RBFOX1: variants seen among roughly 807,000 people sequenced by gnomAD.
RBFOX1 encodes RNA binding protein fox-1 homolog 1.
Under a neutral mutation model 57.7 loss-of-function variants are expected in RBFOX1, and 8 were observed. The ratio of observed to expected loss-of-function variants is 0.14; its 90% CI spans 0.08 to 0.25. The LOEUF is 0.25. RBFOX1 is among the 10% of genes least tolerant of loss of function. RBFOX1 has a pLI of 1.00. For missense variants in RBFOX1, 611 were observed against 548.5 expected, an observed-to-expected ratio of 1.11 and a Z score of -1.14; for synonymous variants, 326 against 222.4, an observed-to-expected ratio of 1.47 and a Z score of -4.15.
intron 2 of RBFOX1, among the ~76,000 whole-genome samples, chr16:6,583,722 A>G (rs1010674619): frequency 1.3e-5 from 2 of 152,234 alleles, no homozygotes; most frequent in African/African-American, 4.8e-5. Context: ...GTAACTTTTA[A>G]TAGGTCAATT....
intron 2 of RBFOX1, among the ~76,000 whole-genome samples, chr16:5,580,622 T>C (rs2046633518): frequency 6.6e-6 from 1 of 152,172 alleles, no homozygotes; most frequent in African/African-American, 2.4e-5. Context: ...AACATCTGCT[T>C]TGTGTGGGTT....
At chr16:7,267,798 G>A (rs759165361) in intron 4 of RBFOX1, among the ~76,000 whole-genome samples, 1 of 152,136 alleles carries the variant, frequency 6.6e-6, no homozygotes, top group African/African-American at 2.4e-5. Flanking sequence ...GGAGGCTGCA[G>A]TGACCTGAGA....
chr16:6,586,568 C>T (rs2097623507), intron 2 of RBFOX1, among the ~76,000 whole-genome samples: 1 of 152,182 alleles, frequency 6.6e-6, no homozygotes, highest in Non-Finnish European at 1.5e-5. Context: ...TGGGGCAAAG[C>T]TGAATCAAGA....
Position 5,659,909 on chromosome 16 carries a change from G to T in RBFOX1, c.318+60948G>T, listed in dbSNP as rs188035117. ...ACCTTGAAATTATGGTGGTTATTAG[G>T]TGTGCTGCTGGATCTTGTTATTTAA... On this transcript the variant is annotated intron_variant, in intron 3 of 19. Transcript: ENST00000641259. Among the ~76,000 whole-genome samples, 15 of 152,238 alleles carry T rather than the reference G, an allele frequency of 9.9e-5. No individual in the cohort carries two copies. The East Asian group carries it at 1.4e-3, about 14-fold the overall frequency.
At chr16:6,160,300 T>C (rs542562076) in intron 1 of RBFOX1, among the ~76,000 whole-genome samples, 2 of 152,288 alleles carry the variant, frequency 1.3e-5, no homozygotes, top group East Asian at 1.9e-4. Flanking sequence ...GTATGCAACA[T>C]GATATTGTAG....
intron 6 of RBFOX1, among the ~76,000 whole-genome samples, chr16:7,585,077 C>T (rs893226419): frequency 6.6e-6 from 1 of 152,200 alleles, no homozygotes; most frequent in African/African-American, 2.4e-5. Context: ...GGAAGAAGTC[C>T]TTTTCAAGCT....
chr16:6,618,914 C>G (rs981619429), intron 2 of RBFOX1, among the ~76,000 whole-genome samples: 3 of 152,060 alleles, frequency 2.0e-5, no homozygotes, highest in African/African-American at 7.2e-5. Flanking sequence ...GCAGGGCCAT[C>G]CGTAAAAACA....
In RBFOX1 at chr16:7,693,477, A is replaced by C; in HGVS notation, c.996-15579A>C. 2 of 803,910 alleles carry C rather than the reference A, an allele frequency of 2.5e-6. 1 individual carries two copies. Among genetic ancestry groups the C allele is most frequent in the Non-Finnish European group, 3.9e-6 (2 of 515,462 alleles). The allele number at this position is 803,910 out of a possible 1,614,324, so 49.8% of individuals were successfully genotyped here. On this transcript the variant is annotated intron_variant, in intron 14 of 15. Transcript: ENST00000550418. The stretch of plus-strand genomic sequence containing the variant: ...GTTGGTCACTCTAGAAAGTTTAGTT[A>C]AGAAAAAAAAAAAAGATCTTATATC...
At position 6,379,926 on chromosome 16, in the gene RBFOX1, A is replaced by G. The variant is rs565148283; in HGVS notation, c.-64+62869A>G. ...AGTCCTGGAAAGGGGCCTGATGGAG[A>G]AAGCTTCAGGAGAGGGGGTGTCCAC... On this transcript the variant is annotated intron_variant, in intron 2 of 15. Transcript: ENST00000550418. Among the ~76,000 whole-genome samples, 202 of 152,220 alleles carry G rather than the reference A, an allele frequency of 1.3e-3. 1 individual carries two copies. Among genetic ancestry groups the G allele is most frequent in the Admixed American group, 4.2e-3 (64 of 15,286 alleles).
chr16:6,788,398 G>T (rs1006347164), intron 3 of RBFOX1, among the ~76,000 whole-genome samples: 1 of 151,678 alleles, frequency 6.6e-6, no homozygotes, highest in African/African-American at 2.4e-5. Context: ...AATTATTATC[G>T]TCTCTCTGAA....
At chr16:6,987,169 A>G (rs1463570057) in intron 3 of RBFOX1, among the ~76,000 whole-genome samples, 1 of 152,092 alleles carries the variant, frequency 6.6e-6, no homozygotes, top group Non-Finnish European at 1.5e-5. Flanking sequence ...GCATTTTGAT[A>G]GAGGACTGAA....
chr16:7,630,826 A>G, intron 11 of RBFOX1, 143 bp downstream of exon 11: 2 of 1,444,252 alleles, frequency 1.4e-6, no homozygotes, highest in Admixed American at 5.3e-5. Flanking sequence ...TTTCATAAGC[A>G]TGTCTGTCTC....
At chr16:5,977,523 A>G (rs975558542) in intron 4 of RBFOX1, among the ~76,000 whole-genome samples, 2 of 152,108 alleles carry the variant, frequency 1.3e-5, no homozygotes, top group African/African-American at 4.8e-5. Context: ...GAGCATGGCG[A>G]TGCTTCGGTT....
chr16:7,553,009 C>G (rs1230911462), intron 5 of RBFOX1, among the ~76,000 whole-genome samples: 2 of 151,994 alleles, frequency 1.3e-5, no homozygotes, highest in Admixed American at 1.3e-4. Flanking sequence ...AGCATACCTT[C>G]TCTTTCCTCT....
At chr16:6,803,122 T>C (rs1427853421) in intron 3 of RBFOX1, among the ~76,000 whole-genome samples, 1 of 151,608 alleles carries the variant, frequency 6.6e-6, no homozygotes, top group Non-Finnish European at 1.5e-5. Context: ...ACCTCTGAGC[T>C]AGACCATGCC....
rs112397291 is a variant in RBFOX1, at chr16:5,929,315, C to CCTCTCTCTCTCTCTCTCTCT, written c.351+61983_351+62002dup. On this transcript the variant is annotated intron_variant, in intron 4 of 19. Coordinates refer to the RBFOX1 transcript ENST00000641259. ...GCTCACCTTCAAGTTCAGTCTTAAG[C>CCTCTCTCTCTCTCTCTCTCT]CTCTCTCTCTCTCTCTCTCTCTTTC... is the stretch of plus-strand genomic sequence containing the variant. Among the ~76,000 whole-genome samples the CCTCTCTCTCTCTCTCTCTCT allele has an allele frequency of 2.0e-5, 3 of 148,022 alleles. No homozygotes were observed. The East Asian group carries it at 5.9e-4, about 29-fold the overall frequency.
intron 2 of RBFOX1, among the ~76,000 whole-genome samples, chr16:6,578,389 C>CT (rs1448243680): frequency 6.6e-6 from 1 of 152,116 alleles, no homozygotes; most frequent in African/African-American, 2.4e-5. Flanking sequence ...GATTCATGAC[C>CT]TTATGGATGG....
intron 10 of RBFOX1, among the ~76,000 whole-genome samples, chr16:7,626,076 G>T (rs1393912108): frequency 6.6e-6 from 1 of 152,258 alleles, no homozygotes; most frequent in East Asian, 1.9e-4. Flanking sequence ...AGCCAGAGCT[G>T]AGTCCAGAAA....
chr16:5,313,332 A>T (rs1048163256), intron 1 of RBFOX1, among the ~76,000 whole-genome samples: 3 of 152,108 alleles, frequency 2.0e-5, no homozygotes, highest in Admixed American at 2.0e-4. Context: ...AGACAGCTCT[A>T]GATATGGCTT....
Sources: allele counts gnomAD v4.1 joint callset (sites outside exome capture counted in the v4.1 genomes callset), GRCh38; gene constraint gnomAD v4.1.1; transcripts MANE v1.5; gene names NCBI Gene and HGNC (gene_info 2026-07-23, HGNC 2026-07-21).